LRRIQ1: variants seen among roughly 807,000 people sequenced by gnomAD.
The protein encoded by LRRIQ1 is leucine rich repeats and IQ motif containing 1, also known as leucine-rich repeat- and IQ domain-containing protein 1.
Under a neutral mutation model 211.9 loss-of-function variants are expected in LRRIQ1, and 210 were observed. The ratio of observed to expected loss-of-function variants is 0.99; its 90% confidence interval spans 0.89 to 1.11. LRRIQ1 has a LOEUF of 1.11. LRRIQ1 is among the 50% of genes most tolerant of loss of function. LRRIQ1 has a pLI of 0.00. For missense variants in LRRIQ1, 2,136 were observed against 1,939.5 expected (o/e 1.10, Z -1.90); for synonymous variants, 699 against 650.1 (o/e 1.08, Z -1.14).
At chr12:85,252,969 AT>A (rs1895990910) in intron 1 of LRRIQ1, among the ~76,000 whole-genome samples, 1 of 151,178 alleles carries the variant, frequency 6.6e-6, no homozygotes, top group Non-Finnish European at 1.5e-5. Flanking sequence ...ATTACACTTA[AT>A]ATAAGTAAAT....
intron 24 of LRRIQ1, among the ~76,000 whole-genome samples, chr12:85,196,935 A>T (rs956479560): frequency 1.3e-4 from 20 of 151,418 alleles, no homozygotes; most frequent in Non-Finnish European, 2.5e-4. Flanking sequence ...TCATCTGACA[A>T]AGGGCTAATA....
the LRRIQ1 span, among the ~76,000 whole-genome samples, chr12:85,270,850 A>C: frequency 6.6e-6 from 1 of 152,156 alleles, no homozygotes; most frequent in Admixed American, 6.6e-5. Flanking sequence ...CGAGTGGTAG[A>C]GCTGGACGTA....
chr12:85,214,181 A>C (rs1027360736), intron 24 of LRRIQ1, among the ~76,000 whole-genome samples: 7 of 152,048 alleles, frequency 4.6e-5, no homozygotes, highest in Admixed American at 1.3e-4. Context: ...CAAGAGATGC[A>C]TAAGACCTTA....
intron 25 of LRRIQ1, 103 bp downstream of exon 25, chr12:85,229,752 G>A (rs1894843979): frequency 3.5e-6 from 4 of 1,144,444 alleles, no homozygotes; most frequent in Non-Finnish European, 5.1e-6. Flanking sequence ...TATTGCCAAA[G>A]GCCAATACGC....
chr12:85,073,166 G>T, intron 11 of LRRIQ1, 68 bp downstream of exon 11: 1 of 1,093,608 alleles, frequency 9.1e-7, no homozygotes, highest in South Asian at 1.7e-5. Context: ...GGGAGGGTTG[G>T]ATCTAGGCAG....
intron 11 of LRRIQ1, among the ~76,000 whole-genome samples, chr12:85,082,135 A>T (rs970462278): frequency 2.6e-5 from 4 of 152,078 alleles, no homozygotes; most frequent in Non-Finnish European, 4.4e-5. Flanking sequence ...TTTGTCTGTA[A>T]ATATCTTTCC....
chr12:85,130,756 C>T (rs184809197), intron 18 of LRRIQ1, among the ~76,000 whole-genome samples: 33 of 152,144 alleles, frequency 2.2e-4, no homozygotes, highest in Admixed American at 2.0e-3. Context: ...CAGAAACAAC[C>T]GGGGCTTAAG....
intron 1 of LRRIQ1, among the ~76,000 whole-genome samples, chr12:85,254,553 A>G (rs1341836858): frequency 6.6e-6 from 1 of 152,146 alleles, no homozygotes; most frequent in African/African-American, 2.4e-5. Flanking sequence ...CATGCTTTTT[A>G]ATATAGACTG....
At chr12:85,189,800 C>A (rs999727982) in intron 24 of LRRIQ1, among the ~76,000 whole-genome samples, 2 of 144,654 alleles carry the variant, frequency 1.4e-5, no homozygotes, top group Admixed American at 7.1e-5. Context: ...TTTATTATAT[C>A]TGTAACTGTA....
At chr12:85,124,691 T>C (rs1888245161) in intron 17 of LRRIQ1, 172 bp downstream of exon 17, 7 of 579,520 alleles carry the variant, frequency 1.2e-5, no homozygotes, top group South Asian at 2.1e-5. Flanking sequence ...GGTGCACAAA[T>C]CATTAATTAT....
chr12:85,151,489 ATC>A (rs1364962737), intron 19 of LRRIQ1, among the ~76,000 whole-genome samples: 1 of 151,696 alleles, frequency 6.6e-6, no homozygotes, highest in Non-Finnish European at 1.5e-5. Context: ...TATTCTAAGC[ATC>A]TTTTTTCCCC....
intron 25 of LRRIQ1, among the ~76,000 whole-genome samples, chr12:85,229,918 G>A (rs1360697515): frequency 6.6e-6 from 1 of 152,172 alleles, no homozygotes; most frequent in Non-Finnish European, 1.5e-5. Context: ...AGTAAAAAAT[G>A]TGGTATTCAT....
At chr12:85,086,602 G>A (rs529167380) in intron 11 of LRRIQ1, among the ~76,000 whole-genome samples, 13 of 138,356 alleles carry the variant, frequency 9.4e-5, no homozygotes, top group African/African-American at 3.0e-4. Context: ...CCCAGTCTTA[G>A]GTATTTCTTT....
intron 24 of LRRIQ1, among the ~76,000 whole-genome samples, chr12:85,208,596 A>C (rs1893680056): frequency 6.6e-6 from 1 of 152,188 alleles, no homozygotes; most frequent in South Asian, 2.1e-4. Context: ...AAATGCATAA[A>C]AATTGATTTG....
At chr12:85,242,540 T>A (rs1040554980) in intron 26 of LRRIQ1, among the ~76,000 whole-genome samples, 3 of 151,812 alleles carry the variant, frequency 2.0e-5, no homozygotes, top group Non-Finnish European at 4.4e-5. Flanking sequence ...CTGAAACAAA[T>A]CCCCACAAAT....
At chr12:85,129,730 G>A (rs1296740661) in intron 18 of LRRIQ1, among the ~76,000 whole-genome samples, 1 of 152,176 alleles carries the variant, frequency 6.6e-6, no homozygotes, top group Non-Finnish European at 1.5e-5. Context: ...TGATGAAAAG[G>A]AGCAAAGTAG....
chr12:85,119,471 C>A, intron 15 of LRRIQ1, among the ~76,000 whole-genome samples: 1 of 152,086 alleles, frequency 6.6e-6, no homozygotes, highest in East Asian at 1.9e-4. Flanking sequence ...CTATAAACAT[C>A]TGTTTACAGA....
rs1890372225 is a variant in LRRIQ1 at position 85,153,658 on chromosome 12, G to T, written c.4542-5G>T. 2 of 1,567,146 alleles carry T rather than the reference G, an allele frequency of 1.3e-6. No individual in the cohort carries two copies. The highest frequency in any genetic ancestry group is 8.6e-7 in the Non-Finnish European group (1 of 1,156,648). ...CAGTTAAAAGTGGTTTTTTTCTATTGCCAGATCAGAAAATAAAACTTCTTC... is the reference window on the plus strand; with the variant it reads ...CAGTTAAAAGTGGTTTTTTTCTATTTCCAGATCAGAAAATAAAACTTCTTC... On this transcript the variant is annotated splice_region_variant and splice_polypyrimidine_tract_variant and intron_variant, in intron 21 of 26. Coordinates refer to ENST00000393217, the MANE Select transcript of LRRIQ1 (RefSeq NM_001079910.2).
chr12:85,195,436 G>T (rs1422390652), intron 24 of LRRIQ1, among the ~76,000 whole-genome samples: 1 of 151,238 alleles, frequency 6.6e-6, no homozygotes, highest in African/African-American at 2.4e-5. Flanking sequence ...TAAAATACTG[G>T]CAAAACGAAT....
Sources: gnomAD v4.1 joint callset for allele counts (sites outside exome capture counted in the v4.1 genomes callset) on GRCh38, gnomAD v4.1.1 for gene constraint, MANE v1.5 for transcripts, NCBI Gene and HGNC (gene_info 2026-07-23, HGNC 2026-07-21) for gene names.